The following FANCC variants were observed in gnomAD, a reference collection of about 807,000 sequenced individuals.
FANCC encodes the protein Fanconi anemia group C protein.
In FANCC, 55 loss-of-function variants were observed where a neutral mutation model predicts 71.3. That is an observed-to-expected ratio of 0.77 (90% CI 0.62 to 0.97). The LOEUF is 0.97. Among genes scored for constraint, FANCC ranks in the 50% least tolerant of loss-of-function variants. The pLI is 0.00. For missense variants in FANCC, 678 were observed against 670.9 expected, an observed-to-expected ratio of 1.01 and a Z score of -0.12; for synonymous variants, 275 against 244.9, an observed-to-expected ratio of 1.12 and a Z score of -1.15.
At chr9:95,141,985 G>GTTTTTTTTT (rs1163083695) in intron 7 of FANCC, among the ~76,000 whole-genome samples, 16 of 83,136 alleles carry the variant, frequency 1.9e-4, no homozygotes, top group Non-Finnish European at 2.8e-4. Context: ...AGTTTGTGGG[G>GTTTTTTTTT]TTTTTTTTTT....
At chr9:95,191,327 CTTTTTTTTTTTT>C (rs71366278) in intron 4 of FANCC, among the ~76,000 whole-genome samples, 5 of 53,960 alleles carry the variant, frequency 9.3e-5, no homozygotes, top group Admixed American at 5.1e-4. Flanking sequence ...ATCCTACTTC[CTTTTTTTTTTTT>C]TTTTTTTTTT....
chr9:95,301,955 G>A (rs1426862848), intron 1 of FANCC, among the ~76,000 whole-genome samples: 8 of 149,928 alleles, frequency 5.3e-5, no homozygotes, highest in South Asian at 2.1e-4. Flanking sequence ...GGTGGCGGGC[G>A]CCTGTACTCC....
intron 7 of FANCC, among the ~76,000 whole-genome samples, chr9:95,145,901 G>A (rs1263323516): frequency 3.3e-5 from 5 of 151,998 alleles, no homozygotes; most frequent in Middle Eastern, 3.4e-3. Flanking sequence ...AAAACAAAGA[G>A]GGATTGAAAG....
intron 7 of FANCC, among the ~76,000 whole-genome samples, chr9:95,142,975 G>A (rs1255578124): frequency 1.3e-5 from 2 of 152,094 alleles, no homozygotes; most frequent in Admixed American, 1.3e-4. Context: ...ACAGGTTAAG[G>A]GCTCAGTCCC....
intron 7 of FANCC, among the ~76,000 whole-genome samples, chr9:95,146,053 A>G (rs913750759): frequency 6.6e-6 from 1 of 152,098 alleles, no homozygotes; most frequent in African/African-American, 2.4e-5. Flanking sequence ...TCCTGACTAG[A>G]TATGTGATGA....
In FANCC at chr9:95,099,461, C is replaced by A. The variant is rs1367873898; in HGVS notation, c.*2246G>T. The A allele has an allele frequency of 2.2e-5, 5 of 226,808 alleles. No homozygotes were observed. The highest frequency in any genetic ancestry group is 4.3e-5 in the Non-Finnish European group (5 of 115,044). 14.0% of individuals were successfully genotyped at this position (226,808 alleles called of 1,614,324 possible). On this transcript the variant is annotated 3_prime_UTR_variant, in exon 15 of 15. Transcript: ENST00000289081. ...CGTCCCCGCCCAGCATCTCGGATGC[C>A]ATTCCTTCCCGGTGGCACCTGCCCA...
intron 4 of FANCC, among the ~76,000 whole-genome samples, chr9:95,233,225 T>C (rs1243943654): frequency 1.3e-5 from 2 of 150,052 alleles, no homozygotes; most frequent in Admixed American, 6.6e-5. Context: ...AAAAAAACCC[T>C]GAGGTTGTAG....
chr9:95,294,257 A>T (rs1353432720), intron 1 of FANCC: 1 of 1,578,562 alleles, frequency 6.3e-7, no homozygotes, highest in Non-Finnish European at 8.7e-7. Flanking sequence ...GATATTGAAG[A>T]GTTCTTTTCG....
intron 7 of FANCC, among the ~76,000 whole-genome samples, chr9:95,146,319 T>C (rs1829537277): frequency 6.6e-6 from 1 of 151,474 alleles, no homozygotes; most frequent in Non-Finnish European, 1.5e-5. Flanking sequence ...AAATGCCGTC[T>C]CTACCGAAAA....
rs571018946 is a variant in FANCC at position 95,112,055 on chromosome 9, G to A, written c.1155-418C>T. On this transcript the variant is annotated intron_variant, in intron 12 of 14. Transcript: ENST00000289081. ...TGGGCTATTTCCCTTCTGACAAGAC[G>A]CAAAGTTCAGGTGGATATTTCAGCA... 9.8e-5 allele frequency among the ~76,000 whole-genome samples: 15 copies of A among 152,318 alleles called. 1 individual carries two copies. The highest frequency in any genetic ancestry group is 2.4e-4 in the African/African-American group (10 of 41,570).
chr9:95,125,192 A>G lies in FANCC; in HGVS notation c.897-7T>C. ...GGTTTCCAGGAGTGCACACCTGAACAATGCAAAGTCAGATCAGAACACGTT... is the reference window on the plus strand; with the variant it reads ...GGTTTCCAGGAGTGCACACCTGAACGATGCAAAGTCAGATCAGAACACGTT... On this transcript the variant is annotated splice_polypyrimidine_tract_variant and splice_region_variant and intron_variant, in intron 9 of 14. Transcript: ENST00000289081. The G allele has an allele frequency of 6.2e-7, 1 of 1,610,602 alleles. No individual in the cohort carries two copies.
intron 1 of FANCC, among the ~76,000 whole-genome samples, chr9:95,262,687 C>T (rs1367828471): frequency 3.9e-5 from 6 of 152,104 alleles, no homozygotes; most frequent in Non-Finnish European, 5.9e-5. Flanking sequence ...TTCATAGCAG[C>T]GTAACAGCCA....
chr9:95,114,784 G>C, intron 11 of FANCC, 74 bp from the exon 12 acceptor site: 1 of 1,255,700 alleles, frequency 8.0e-7, no homozygotes. Context: ...CTGCAGGGAT[G>C]ACCTGAAGAG....
chr9:95,180,841 T>G (rs1478581462), intron 4 of FANCC, among the ~76,000 whole-genome samples: 1 of 152,130 alleles, frequency 6.6e-6, no homozygotes, highest in African/African-American at 2.4e-5. Flanking sequence ...AACAATGTGT[T>G]ATACTACATT....
chr9:95,127,713 C>T (rs1434162066), intron 8 of FANCC, among the ~76,000 whole-genome samples: 2 of 152,154 alleles, frequency 1.3e-5, no homozygotes, highest in African/African-American at 4.8e-5. Flanking sequence ...AGGCCCCCGT[C>T]GGCAAGAAAA....
intron 1 of FANCC, among the ~76,000 whole-genome samples, chr9:95,251,390 A>T (rs530679269): frequency 6.6e-6 from 1 of 152,188 alleles, no homozygotes; most frequent in South Asian, 2.1e-4. Context: ...ATGTTGGTTC[A>T]CTGCAACCTC....
At chr9:95,170,182 C>G (rs966133848) in intron 6 of FANCC, among the ~76,000 whole-genome samples, 6 of 152,070 alleles carry the variant, frequency 3.9e-5, no homozygotes, top group African/African-American at 1.4e-4. Context: ...ACCTCACAAC[C>G]AAATCCAAGT....
At chr9:95,268,252 C>T (rs1028317495) in intron 1 of FANCC, among the ~76,000 whole-genome samples, 4 of 152,244 alleles carry the variant, frequency 2.6e-5, no homozygotes, top group Non-Finnish European at 1.5e-5. Context: ...AATTTATCTT[C>T]TTTGCCCACC....
intron 2 of FANCC, among the ~76,000 whole-genome samples, chr9:95,248,884 T>C (rs1343014811): frequency 6.6e-6 from 1 of 152,122 alleles, no homozygotes; most frequent in East Asian, 1.9e-4. Context: ...AAATCTTGAT[T>C]ATTTAAGAAC....
Sources: allele counts gnomAD v4.1 joint callset (sites outside exome capture counted in the v4.1 genomes callset), GRCh38; gene constraint gnomAD v4.1.1; transcripts MANE v1.5; gene names NCBI Gene and HGNC (gene_info 2026-07-23, HGNC 2026-07-21).